MCPH1: variants seen among roughly 807,000 people sequenced by gnomAD.
MCPH1 encodes the protein microcephalin 1, also known as microcephalin.
Under a neutral mutation model 84.5 loss-of-function variants are expected in MCPH1, and 104 were observed. That is an observed-to-expected ratio of 1.23 (90% CI 1.05 to 1.45). The LOEUF is 1.45. Ranked by LOEUF, MCPH1 falls within the 40% of genes most tolerant of loss-of-function variation. The pLI, the probability that MCPH1 is intolerant of heterozygous loss-of-function variation, is 0.00. For missense variants in MCPH1, 1,498 were observed against 1,005.7 expected, an observed-to-expected ratio of 1.49 and a Z score of -6.62; for synonymous variants, 514 against 366.8, an observed-to-expected ratio of 1.40 and a Z score of -4.58.
rs923241716 is a variant in MCPH1, at chr8:6,507,095, G to T, written c.2214+7166G>T. ...GTATTTTTAGTAGAGATGGGGTTTTGCCATGTTGGCCAGGCTGGTCTCAAA... is the reference window on the plus strand; with the variant it reads ...GTATTTTTAGTAGAGATGGGGTTTTTCCATGTTGGCCAGGCTGGTCTCAAA... On this transcript the variant is annotated intron_variant, in intron 12 of 13. Transcript: ENST00000344683. 3.9e-4 allele frequency among the ~76,000 whole-genome samples: 59 copies of T among 152,048 alleles called. 1 individual carries two copies. Among genetic ancestry groups the T allele is most frequent in the African/African-American group, 1.3e-3 (55 of 41,498 alleles).
At chr8:6,446,985 C>T (rs1406259812) in intron 8 of MCPH1, 1 of 985,058 alleles carries the variant, frequency 1.0e-6, no homozygotes, top group Non-Finnish European at 1.2e-6. Context: ...TTTTTTCGCT[C>T]AGTGGTGCAG....
chr8:6,622,904 G>C (rs1831614233), intron 13 of MCPH1, among the ~76,000 whole-genome samples: 1 of 151,968 alleles, frequency 6.6e-6, no homozygotes, highest in African/African-American at 2.4e-5. Context: ...GCAGTAGCAT[G>C]ATCACAGCTT....
intron 12 of MCPH1, among the ~76,000 whole-genome samples, chr8:6,566,664 C>T (rs1249015008): frequency 1.7e-5 from 2 of 120,394 alleles, no homozygotes; most frequent in African/African-American, 3.1e-5. Flanking sequence ...TGCGGTGACC[C>T]TGTGTGATTG....
intron 12 of MCPH1, among the ~76,000 whole-genome samples, chr8:6,531,455 A>AT (rs1034028069): frequency 2.6e-5 from 4 of 151,524 alleles, no homozygotes; most frequent in Admixed American, 2.0e-4. Flanking sequence ...CACCTGGCTA[A>AT]TTTGTTTGTA....
chr8:6,646,894 G>A lies in MCPH1; in HGVS notation c.*3845G>A, dbSNP rs985010176. The A allele has an allele frequency of 1.3e-5, 2 of 151,988 alleles. No homozygotes were observed. The highest frequency in any genetic ancestry group is 2.9e-5 in the Non-Finnish European group (2 of 68,012). The allele number at this position is 151,988 out of a possible 1,614,324, so 9.4% of individuals were successfully genotyped here. ...TAGCAGGAAATCATTCTGACCTCAGGTTAGGCAAAGCTTTCTTAGATATGA... is the reference window on the plus strand; with the variant it reads ...TAGCAGGAAATCATTCTGACCTCAGATTAGGCAAAGCTTTCTTAGATATGA... On this transcript the variant is annotated 3_prime_UTR_variant, in exon 14 of 14. Transcript: ENST00000344683.
chr8:6,418,390 GTTTAT>G (rs1213380705), intron 3 of MCPH1, among the ~76,000 whole-genome samples: 1 of 151,908 alleles, frequency 6.6e-6, no homozygotes, highest in Admixed American at 6.6e-5. Flanking sequence ...CACATAGTTG[GTTTAT>G]TTTATTTTAT....
chr8:6,571,009 G>GA (rs201753191), intron 12 of MCPH1, among the ~76,000 whole-genome samples: 71 of 150,616 alleles, frequency 4.7e-4, no homozygotes, highest in African/African-American at 1.3e-3. Flanking sequence ...TATTTTTTAA[G>GA]AAAAAAAAAT....
chr8:6,424,499 A>T (rs529847735), intron 3 of MCPH1, among the ~76,000 whole-genome samples: 2 of 152,312 alleles, frequency 1.3e-5, no homozygotes, highest in South Asian at 4.1e-4. Flanking sequence ...TCCTACCAGC[A>T]GCCAGCTCCA....
intron 12 of MCPH1, chr8:6,621,174 T>C (rs1831372761): frequency 2.1e-6 from 1 of 472,104 alleles, no homozygotes; most frequent in Non-Finnish European, 3.9e-6. Flanking sequence ...CTTTTCAATA[T>C]TTTGTTTGAG....
At chr8:6,410,124 C>T (rs1798332424) in intron 2 of MCPH1, among the ~76,000 whole-genome samples, 1 of 152,024 alleles carries the variant, frequency 6.6e-6, no homozygotes, top group East Asian at 1.9e-4. Flanking sequence ...CACATGCCAC[C>T]ATGCCTAGCT....
chr8:6,466,129 A>ATTTTTTTT lies in MCPH1; in HGVS notation c.1935+10893_1935+10900dup, dbSNP rs751729134. ...GCCACTACACCTGGCTAATTTTTGG[A>ATTTTTTTT]TTTTTTTTTTTTTTTTTTTTTTTCC... On this transcript the variant is annotated intron_variant, in intron 9 of 13. Coordinates refer to ENST00000344683, the MANE Select transcript of MCPH1 (RefSeq NM_024596.5). Among the ~76,000 whole-genome samples, 10 of 19,788 alleles carry ATTTTTTTT rather than the reference A, an allele frequency of 5.1e-4. 3 individuals carry two copies. In the East Asian group the frequency reaches 0.014, roughly 27 times the overall value. The allele number at this position is 19,788 out of a possible 152,430, so 13.0% of individuals were successfully genotyped here. A position where few individuals can be genotyped will look rare whatever the true frequency, so the allele number is the denominator to read the frequency against.
At chr8:6,464,014 A>C (rs1465574619) in intron 9 of MCPH1, among the ~76,000 whole-genome samples, 1 of 152,226 alleles carries the variant, frequency 6.6e-6, no homozygotes, top group Non-Finnish European at 1.5e-5. Context: ...CAGCACGGGT[A>C]TGTTGTTATC....
intron 12 of MCPH1, among the ~76,000 whole-genome samples, chr8:6,528,560 G>A (rs779977721): frequency 2.9e-4 from 44 of 152,338 alleles, no homozygotes; most frequent in Non-Finnish European, 5.1e-4. Context: ...GCCGTATAGC[G>A]TGAGTGTGAA....
Position 6,444,844 on chromosome 8 carries a change from G to C in MCPH1, c.1122G>C (p.Lys374Asn), listed in dbSNP as rs1384491510. Reference sequence around the variant, plus strand: ...CTCCGAAGGAAAAATGCAAGAGAAAGAGGAGCACCAGGAGATCTATCATGC... The same window carrying C: ...CTCCGAAGGAAAAATGCAAGAGAAACAGGAGCACCAGGAGATCTATCATGC... ...HSPPKEKCKR[K>N]RSTRRSIMPR... Residue 374 changes from lysine to asparagine, a missense_variant, in exon 8 of 14, where the codon AAG (lysine) becomes AAC (asparagine). Lys to Asn is a moderately conservative substitution (Grantham distance 94, BLOSUM62 0). Coordinates refer to ENST00000344683, the MANE Select transcript of MCPH1 (RefSeq NM_024596.5). 2 of 1,614,080 alleles carry C rather than the reference G, an allele frequency of 1.2e-6. No homozygotes were observed. Among genetic ancestry groups the C allele is most frequent in the East Asian group, 2.2e-5 (1 of 44,890 alleles).
In MCPH1 at chr8:6,609,894, A is replaced by C. The variant is rs1830121244; in HGVS notation, c.2215-11560A>C. ...GTGCAGGTCATGGTTGCCTTATTAC[A>C]CACCCTCCTCTGCCATCACCTCCTT... On this transcript the variant is annotated intron_variant, in intron 12 of 13. Transcript: ENST00000344683. 5.6e-5 allele frequency among the ~76,000 whole-genome samples: 8 copies of C among 143,780 alleles called. No individual in the cohort carries two copies. In the South Asian group the frequency reaches 1.9e-3, roughly 34 times the overall value. The allele number at this position is 143,780 out of a possible 152,430, so 94.3% of individuals were successfully genotyped here.
At chr8:6,550,634 C>T (rs751008366) in intron 12 of MCPH1, among the ~76,000 whole-genome samples, 1 of 152,182 alleles carries the variant, frequency 6.6e-6, no homozygotes, top group Non-Finnish European at 1.5e-5. Context: ...TCTGTCGGCC[C>T]TCCTGACCCA....
chr8:6,535,557 A>T (rs1820329047), intron 12 of MCPH1, among the ~76,000 whole-genome samples: 1 of 152,212 alleles, frequency 6.6e-6, no homozygotes, highest in African/African-American at 2.4e-5. Flanking sequence ...AATACACATG[A>T]TGTGTGTATA....
At chr8:6,633,669 A>G (rs1344547700) in intron 13 of MCPH1, among the ~76,000 whole-genome samples, 4 of 152,202 alleles carry the variant, frequency 2.6e-5, no homozygotes, top group Non-Finnish European at 5.9e-5. Flanking sequence ...ATGCACACCC[A>G]AATTCCCCCA....
At chr8:6,511,179 T>C (rs1156415997) in intron 12 of MCPH1, among the ~76,000 whole-genome samples, 1 of 152,180 alleles carries the variant, frequency 6.6e-6, no homozygotes, top group Non-Finnish European at 1.5e-5. Flanking sequence ...TAGAAAGGTT[T>C]TGTGTAATTT....
Sources: allele counts gnomAD v4.1 joint callset (sites outside exome capture counted in the v4.1 genomes callset), GRCh38; gene constraint gnomAD v4.1.1; transcripts MANE v1.5; gene names NCBI Gene and HGNC (gene_info 2026-07-23, HGNC 2026-07-21).